The following MTNR1A variants were observed in gnomAD, a reference collection of about 807,000 sequenced individuals.
MTNR1A encodes the protein melatonin receptor type 1A.
In MTNR1A, 7 loss-of-function variants were observed where a neutral mutation model predicts 5.5. The ratio of observed to expected loss-of-function variants is 1.28; its 90% CI spans 0.73 to 2.40. The LOEUF is 2.40. MTNR1A is among the 30% of genes most tolerant of loss of function. The pLI, the probability that MTNR1A is intolerant of heterozygous loss-of-function variation, is 0.00. For missense variants in MTNR1A, 441 were observed against 464.4 expected, an observed-to-expected ratio of 0.95 and a Z score of 0.46; for synonymous variants, 196 against 202.7, an observed-to-expected ratio of 0.97 and a Z score of 0.28.
intron 1 of MTNR1A, among the ~76,000 whole-genome samples, chr4:186,535,945 T>A (rs1268571447): frequency 6.6e-6 from 1 of 152,210 alleles, no homozygotes; most frequent in East Asian, 1.9e-4. Flanking sequence ...TTTATACTGC[T>A]TTTTACTCAG....
chr4:186,555,211 A>G lies in MTNR1A; in HGVS notation c.155T>C (p.Val52Ala), dbSNP rs144178215. 8.5e-4 allele frequency: 1,356 copies of G among 1,595,184 alleles called. 1 individual carries two copies. Among genetic ancestry groups the G allele is most frequent in the Middle Eastern group, 1.4e-3 (7 of 5,178 alleles). The change falls in exon 1 of 2, where the codon GTG becomes GCG. Residue 52 changes from valine to alanine, a missense_variant. Val to Ala is a moderately conservative substitution (Grantham distance 64, BLOSUM62 0). Transcript: ENST00000307161. The surrounding 1 kb of genome is among the most constrained non-coding windows in gnomAD (Gnocchi z 4.1). ...GTTCCTGAGCTTCTTGTTCCGATAC[A>G]CCGACAGGATGACCAGGAGGTTGCC... The part of the protein sequence containing the change: ...ILGNLLVILS[V>A]YRNKKLRNAG...
Position 186,555,478 on chromosome 4 carries a change from C to A in MTNR1A, c.-113G>T. On this transcript the variant is annotated 5_prime_UTR_variant, in exon 1 of 2. Transcript: ENST00000307161. This position sits in a 1 kb window ranked among gnomAD's most constrained non-coding sequence, Gnocchi z 4.1. ...GCGCCCACGCCCCATCCCGCGCGCTCCTCCACGCCGCGCCCCCGGACGCCC... is the reference window on the plus strand; with the variant it reads ...GCGCCCACGCCCCATCCCGCGCGCTACTCCACGCCGCGCCCCCGGACGCCC... 1.1e-6 allele frequency: 1 copy of A among 892,136 alleles called. No homozygotes were observed. Among genetic ancestry groups the A allele is most frequent in the Non-Finnish European group, 1.4e-6 (1 of 692,176 alleles). The allele number at this position is 892,136 out of a possible 1,614,324, so 55.3% of individuals were successfully genotyped here.
chr4:186,535,128 C>G (rs1412802990), intron 1 of MTNR1A, among the ~76,000 whole-genome samples: 2 of 152,268 alleles, frequency 1.3e-5, no homozygotes, highest in Non-Finnish European at 1.5e-5. Context: ...CCCCAAGCAC[C>G]TGCCTCCTCC....
chr4:186,552,943 C>T (rs1055861856), intron 1 of MTNR1A, among the ~76,000 whole-genome samples: 1 of 152,206 alleles, frequency 6.6e-6, no homozygotes, highest in Non-Finnish European at 1.5e-5. Flanking sequence ...CTGTGGCTGT[C>T]CACTGTCCCC....
rs565925917 is a variant in MTNR1A at position 186,547,859 on chromosome 4, G to A, written c.184+7323C>T. Among the ~76,000 whole-genome samples, 12 of 152,254 alleles carry A rather than the reference G, an allele frequency of 7.9e-5. No individual in the cohort carries two copies. In the South Asian group the frequency reaches 2.3e-3, roughly 29 times the overall value. ...CTTGTTCCCATCTGGATTTCAGTCA[G>A]TGTTAAAGGTGTAACATCCTGCAAA... On this transcript the variant is annotated intron_variant, in intron 1 of 1. Transcript: ENST00000307161.
At chr4:186,552,340 G>A (rs1472053097) in intron 1 of MTNR1A, among the ~76,000 whole-genome samples, 1 of 152,202 alleles carries the variant, frequency 6.6e-6, no homozygotes, top group Admixed American at 6.5e-5. Context: ...CAAATCCGCT[G>A]TAGGTGAGAG....
chr4:186,547,753 C>T (rs1737188597), intron 1 of MTNR1A, among the ~76,000 whole-genome samples: 1 of 152,208 alleles, frequency 6.6e-6, no homozygotes, highest in African/African-American at 2.4e-5. Context: ...ACATTGTACA[C>T]TGTATTGCAT....
chr4:186,542,731 T>G lies in MTNR1A; in HGVS notation c.185-8174A>C, dbSNP rs148021826. 3.6e-4 allele frequency among the ~76,000 whole-genome samples: 55 copies of G among 152,310 alleles called. 1 individual carries two copies. In the East Asian group the frequency reaches 9.3e-3, roughly 26 times the overall value. ...CCTAGCAAAATGTTTGCTTCCTTTC[T>G]GTGAAACTTTAGGTTCTGTTGGTCT... On this transcript the variant is annotated intron_variant, in intron 1 of 1. Coordinates refer to ENST00000307161, the MANE Select transcript of MTNR1A (RefSeq NM_005958.4).
At position 186,555,137 on chromosome 4, in the gene MTNR1A, G is replaced by T. The variant is rs369445546; in HGVS notation, c.184+45C>A. On this transcript the variant is annotated intron_variant, in intron 1 of 1. Transcript: ENST00000307161. This position sits in a 1 kb window ranked among gnomAD's most constrained non-coding sequence, Gnocchi z 4.1. Reference sequence around the variant, plus strand: ...GAAGGCTGGCTGCCCGCGGAGAGGCGCTGCGTCCGGAGCGCTGGCCCAGGG... The same window carrying T: ...GAAGGCTGGCTGCCCGCGGAGAGGCTCTGCGTCCGGAGCGCTGGCCCAGGG... 3.2e-5 allele frequency: 50 copies of T among 1,555,524 alleles called. No individual in the cohort carries two copies. Among genetic ancestry groups the T allele is most frequent in the Non-Finnish European group, 4.3e-5 (49 of 1,146,466 alleles).
At chr4:186,535,991 T>G (rs571486500) in intron 1 of MTNR1A, among the ~76,000 whole-genome samples, 1 of 152,312 alleles carries the variant, frequency 6.6e-6, no homozygotes, top group South Asian at 2.1e-4. Context: ...GTTTACATAT[T>G]AAATGCATAT....
In MTNR1A at chr4:186,555,358, C is replaced by T. The variant is rs1454044605; in HGVS notation, c.8G>A (p.Gly3Asp). 2.6e-6 allele frequency: 4 copies of T among 1,536,000 alleles called. No individual in the cohort carries two copies. The highest frequency in any genetic ancestry group is 2.0e-5 in the Admixed American group (1 of 50,102). MQ[G>D]NGSALPNASQ... is the part of the protein sequence containing the mutation. The stretch of plus-strand genomic sequence containing the variant: ...GGCGTTGGGCAGCGCGCTGCCGTTG[C>T]CCTGCATGGTCCCTGTGCGCGTCCC... The change falls in exon 1 of 2, where the codon GGC (glycine) becomes GAC (aspartate). Residue 3 changes from glycine to aspartate, a missense_variant. Physicochemically the swap from Gly to Asp is moderately conservative, Grantham distance 94 (BLOSUM62 -1). Coordinates refer to ENST00000307161, the MANE Select transcript of MTNR1A (RefSeq NM_005958.4). This position sits in a 1 kb window ranked among gnomAD's most constrained non-coding sequence, Gnocchi z 4.1.
chr4:186,554,734 T>A (rs1329354613), intron 1 of MTNR1A, among the ~76,000 whole-genome samples: 1 of 152,192 alleles, frequency 6.6e-6, no homozygotes, highest in Non-Finnish European at 1.5e-5. Flanking sequence ...TGCAGACTAC[T>A]CCCGAACAAC....
At chr4:186,541,261 A>G (rs952597347) in intron 1 of MTNR1A, among the ~76,000 whole-genome samples, 25 of 152,120 alleles carry the variant, frequency 1.6e-4, no homozygotes, top group African/African-American at 5.8e-4. Context: ...ATGGAGGAAG[A>G]CCCTCCCAGG....
chr4:186,550,000 C>G (rs565234962), intron 1 of MTNR1A, among the ~76,000 whole-genome samples: 1 of 152,168 alleles, frequency 6.6e-6, no homozygotes, highest in Admixed American at 6.5e-5. Context: ...TTTTCTCTCC[C>G]GTCTCTTCTT....
chr4:186,534,459 G>C lies in MTNR1A; in HGVS notation c.283C>G (p.Leu95Val), dbSNP rs1050934349. 5.0e-6 allele frequency: 8 copies of C among 1,614,062 alleles called. No individual in the cohort carries two copies. Among genetic ancestry groups the C allele is most frequent in the Non-Finnish European group, 6.8e-6 (8 of 1,180,058 alleles). ...LMSIFNNGWNLGYLHCQVSGF... is the reference protein window; with the variant it reads ...LMSIFNNGWNVGYLHCQVSGF... ...CTGACTTGGCAGTGCAGATAGCCCA[G>C]GTTCCACCCGTTGTTAAATATCGAC... The change falls in exon 2 of 2, where the codon CTG (leucine) becomes GTG (valine). Residue 95 changes from leucine to valine, a missense_variant. Coordinates refer to ENST00000307161, the MANE Select transcript of MTNR1A (RefSeq NM_005958.4).
intron 1 of MTNR1A, among the ~76,000 whole-genome samples, chr4:186,546,210 A>C (rs1196425858): frequency 2.0e-5 from 3 of 151,996 alleles, no homozygotes; most frequent in Non-Finnish European, 4.4e-5. Flanking sequence ...TGTGATGGAA[A>C]CCACACGTCT....
At chr4:186,541,884 C>T (rs766531891) in intron 1 of MTNR1A, among the ~76,000 whole-genome samples, 2 of 152,166 alleles carry the variant, frequency 1.3e-5, no homozygotes, top group Non-Finnish European at 2.9e-5. Flanking sequence ...TTGGAAGAAA[C>T]ATAATTAGAA....
chr4:186,536,290 G>C (rs934922918), intron 1 of MTNR1A, among the ~76,000 whole-genome samples: 1 of 151,530 alleles, frequency 6.6e-6, no homozygotes, highest in Non-Finnish European at 1.5e-5. Context: ...AGGTTGCAGT[G>C]AGCAGAGATC....
Position 186,534,353 on chromosome 4 carries a change from C to A in MTNR1A, c.389G>T (p.Cys130Phe). The change falls in exon 2 of 2, where the codon TGC (cysteine) becomes TTC (phenylalanine). Residue 130 changes from cysteine to phenylalanine, a missense_variant. Physicochemically the swap from Cys to Phe is radical, Grantham distance 205. Coordinates refer to ENST00000307161, the MANE Select transcript of MTNR1A (RefSeq NM_005958.4). ...CAGTTTGTCGTACTTGAGACTGTGG[C>A]AGATGTAGCAGTAGCGGTTGATGGC... ...GIAINRYCYI[C>F]HSLKYDKLYS... 1 of 1,614,084 alleles carries A rather than the reference C, an allele frequency of 6.2e-7. No individual in the cohort carries two copies. Among genetic ancestry groups the A allele is most frequent in the Non-Finnish European group, 8.5e-7 (1 of 1,180,022 alleles).
Sources: allele counts gnomAD v4.1 joint callset (sites outside exome capture counted in the v4.1 genomes callset), GRCh38; gene constraint gnomAD v4.1.1; non-coding constraint Gnocchi (gnomAD v3.1); transcripts MANE v1.5; gene names NCBI Gene and HGNC (gene_info 2026-07-23, HGNC 2026-07-21).